TSPAN14: variants seen among roughly 807,000 people sequenced by gnomAD.
TSPAN14 encodes the protein tetraspanin 14.
Under a neutral mutation model 36.6 loss-of-function variants are expected in TSPAN14, and 16 were observed. The observed-to-expected ratio is 0.44, with a 90% CI of 0.30 to 0.66. TSPAN14 has a LOEUF of 0.66. Among genes scored for constraint, TSPAN14 ranks in the 30% least tolerant of loss-of-function variants. The pLI is 0.12. For missense variants in TSPAN14, 231 were observed against 355.1 expected (o/e 0.65, Z 2.81); for synonymous variants, 139 against 143.8 (o/e 0.97, Z 0.24).
chr10:80,507,213 C>T lies in TSPAN14; in HGVS notation c.133-15C>T, dbSNP rs757492569. 1 of 1,614,190 alleles carries T rather than the reference C, an allele frequency of 6.2e-7. No individual in the cohort carries two copies. Among genetic ancestry groups the T allele is most frequent in the Non-Finnish European group, 8.5e-7 (1 of 1,180,016 alleles). On this transcript the variant is annotated splice_polypyrimidine_tract_variant and intron_variant, in intron 3 of 8. Coordinates refer to ENST00000429989, the Ensembl canonical transcript of TSPAN14. Reference sequence around the variant, plus strand: ...TTCTGGGCCAGTGCTGCCCTGCTTTCTCTGTCTCTTTCAGGGTGTGCTGTC... The same window carrying T: ...TTCTGGGCCAGTGCTGCCCTGCTTTTTCTGTCTCTTTCAGGGTGTGCTGTC...
exon 9 of TSPAN14, chr10:80,520,475 T>A: frequency 2.2e-6 from 1 of 453,004 alleles, no homozygotes; most frequent in Non-Finnish European, 4.5e-6. Context: ...CTGTCCTGAA[T>A]CCCCGCCTTC....
At chr10:80,511,750 CTCTCTCTCTCTCTCTCTCTCT>C (rs1564745208) in intron 5 of TSPAN14, among the ~76,000 whole-genome samples, 26 of 142,996 alleles carry the variant, frequency 1.8e-4, no homozygotes, top group African/African-American at 6.2e-4. Context: ...CTCTCTCTCT[CTCTCTCTCTCTCTCTCTCTCT>C]CCCCTTTTTT....
At chr10:80,489,155 G>A in intron 1 of TSPAN14, 62 bp from the exon 2 acceptor site, 1 of 1,119,882 alleles carries the variant, frequency 8.9e-7, no homozygotes, top group Non-Finnish European at 1.3e-6. Flanking sequence ...CATATGAGCT[G>A]GTTTGGGGGA....
At chr10:80,460,328 C>T (rs190887981) in intron 1 of TSPAN14, among the ~76,000 whole-genome samples, 22 of 152,288 alleles carry the variant, frequency 1.4e-4, no homozygotes, top group Admixed American at 3.3e-4. Flanking sequence ...ATGAGAAATA[C>T]GTTCAGATAT....
At chr10:80,504,691 AC>A in intron 2 of TSPAN14, 36 bp from the exon 3 acceptor site, 1 of 1,613,822 alleles carries the variant, frequency 6.2e-7, no homozygotes, top group East Asian at 2.2e-5. Flanking sequence ...CTGGTTTCCA[AC>A]CTAACTTCCT....
chr10:80,485,713 C>T, intron 1 of TSPAN14: 3 of 985,272 alleles, frequency 3.0e-6, no homozygotes, highest in Non-Finnish European at 3.6e-6. Context: ...GGTGCCTTCC[C>T]TCCCTGTCCC....
At chr10:80,455,992 C>G (rs1321668947) in intron 1 of TSPAN14, among the ~76,000 whole-genome samples, 1 of 152,162 alleles carries the variant, frequency 6.6e-6, no homozygotes, top group Non-Finnish European at 1.5e-5. Context: ...GTTGGAGACT[C>G]TGGATATATC....
intron 1 of TSPAN14, among the ~76,000 whole-genome samples, chr10:80,487,238 A>G (rs1184548769): frequency 6.9e-6 from 1 of 145,562 alleles, no homozygotes; most frequent in East Asian, 2.1e-4. Context: ...AAGATCCCCA[A>G]GGGGACTGCT....
intron 5 of TSPAN14, among the ~76,000 whole-genome samples, chr10:80,511,766 C>T: frequency 8.3e-6 from 1 of 120,236 alleles, no homozygotes; most frequent in East Asian, 2.2e-4. Context: ...CTCTCTCTCT[C>T]TCTCTCCCCT....
chr10:80,487,108 G>GT (rs1313684757), intron 1 of TSPAN14, among the ~76,000 whole-genome samples: 1 of 152,190 alleles, frequency 6.6e-6, no homozygotes, highest in Non-Finnish European at 1.5e-5. Flanking sequence ...TTGGGACCCT[G>GT]TAATTTGAAA....
At position 80,489,261 on chromosome 10, in the gene TSPAN14, A is replaced by T; in HGVS notation, c.28A>T (p.Lys10Ter). 6.3e-7 allele frequency: 1 copy of T among 1,586,118 alleles called. No homozygotes were observed. Residue 10 changes from lysine (K) to a stop codon, truncating the protein, a stop_gained, in exon 2 of 9, where the codon AAG becomes TAG. Coordinates refer to ENST00000429989, the Ensembl canonical transcript of TSPAN14. LOFTEE classifies it high-confidence loss of function. Reference sequence around the variant, plus strand: ...GCACTATTATAGATACTCTAACGCCAAGGTCAGCTGCTGGTACAAGTACCT... The same window carrying T: ...GCACTATTATAGATACTCTAACGCCTAGGTCAGCTGCTGGTACAAGTACCT...
chr10:80,454,971 A>C (rs1314478623), intron 1 of TSPAN14, among the ~76,000 whole-genome samples: 22 of 152,024 alleles, frequency 1.4e-4, no homozygotes, highest in Non-Finnish European at 1.3e-4. Context: ...CCGGAGTTTG[A>C]GTAGGCGGTG....
At chr10:80,475,433 G>A (rs1217243004) in intron 1 of TSPAN14, among the ~76,000 whole-genome samples, 1 of 152,102 alleles carries the variant, frequency 6.6e-6, no homozygotes, top group Non-Finnish European at 1.5e-5. Context: ...TCGTGTGGTG[G>A]TACACACCTG....
rs113488224 is a variant in TSPAN14 at position 80,471,548 on chromosome 10, T to G, written c.-18+17177T>G. ...ATAAAAGGATTCTGTGTATAGACATTTCATGTAGACTTAGATTTTCAGAAA... is the reference window on the plus strand; with the variant it reads ...ATAAAAGGATTCTGTGTATAGACATGTCATGTAGACTTAGATTTTCAGAAA... On this transcript the variant is annotated intron_variant, in intron 1 of 8. Coordinates refer to ENST00000429989, the Ensembl canonical transcript of TSPAN14. Among the ~76,000 whole-genome samples, 434 of 152,290 alleles carry G rather than the reference T, an allele frequency of 2.8e-3. 2 individuals carry two copies. Among genetic ancestry groups the G allele is most frequent in the African/African-American group, 9.8e-3 (406 of 41,570 alleles).
intron 1 of TSPAN14, among the ~76,000 whole-genome samples, chr10:80,477,643 G>A (rs987126194): frequency 6.6e-6 from 1 of 152,176 alleles, no homozygotes; most frequent in African/African-American, 2.4e-5. Flanking sequence ...TAGTTTGAAA[G>A]CAGCTAATGC....
chr10:80,506,924 G>A (rs1199839522), intron 3 of TSPAN14, among the ~76,000 whole-genome samples: 1 of 152,218 alleles, frequency 6.6e-6, no homozygotes, highest in Admixed American at 6.5e-5. Context: ...ACAGGGCCCC[G>A]TTTCCCTCCA....
At chr10:80,465,997 CTCTA>C (rs1261182472) in intron 1 of TSPAN14, among the ~76,000 whole-genome samples, 7 of 152,066 alleles carry the variant, frequency 4.6e-5, no homozygotes, top group African/African-American at 1.2e-4. Flanking sequence ...TGTCTGACTT[CTCTA>C]TCTGAGGTGT....
intron 1 of TSPAN14, among the ~76,000 whole-genome samples, chr10:80,481,386 T>C (rs908752055): frequency 1.3e-5 from 2 of 152,190 alleles, no homozygotes; most frequent in African/African-American, 2.4e-5. Context: ...GGTTAAATAT[T>C]GATAAATTCA....
exon 9 of TSPAN14, chr10:80,520,568 C>T: frequency 1.9e-6 from 1 of 525,756 alleles, no homozygotes; most frequent in Non-Finnish European, 3.9e-6. Context: ...TGGGGTCTTT[C>T]CTGTACCCCC....
Sources: gnomAD v4.1 joint callset for allele counts (sites outside exome capture counted in the v4.1 genomes callset) on GRCh38, gnomAD v4.1.1 for gene constraint, MANE v1.5 for transcripts, NCBI Gene and HGNC (gene_info 2026-07-23, HGNC 2026-07-21) for gene names.